The following P2RY2 variants were observed in gnomAD, a reference collection of about 807,000 sequenced individuals.
P2RY2 encodes the protein purinergic receptor P2Y2.
For synonymous variants in P2RY2, 241 were observed against 231.9 expected, an observed-to-expected ratio of 1.04 and a Z score of -0.35; for missense variants, 567 against 515.7, an observed-to-expected ratio of 1.10 and a Z score of -0.96.
chr11:73,230,944 G>A (rs1228916793), intron 2 of P2RY2, among the ~76,000 whole-genome samples: 1 of 141,530 alleles, frequency 7.1e-6, no homozygotes, highest in Non-Finnish European at 1.6e-5. Context: ...GGCGCTGGAG[G>A]AGGGAAGCCA....
chr11:73,220,707 C>T (rs1862092990), intron 1 of P2RY2, among the ~76,000 whole-genome samples: 2 of 152,206 alleles, frequency 1.3e-5, no homozygotes, highest in Non-Finnish European at 2.9e-5. Context: ...CTGCCTTGGG[C>T]TGTCTTGGAG....
chr11:73,234,320 C>T lies in P2RY2; in HGVS notation c.161C>T (p.Ala54Val). 2 of 1,613,804 alleles carry T rather than the reference C, an allele frequency of 1.2e-6. No individual in the cohort carries two copies. Among genetic ancestry groups the T allele is most frequent in the Non-Finnish European group, 8.5e-7 (1 of 1,179,782 alleles). ...CVPGLCLNAVALYIFLCRLKT... is the reference protein window; with the variant it reads ...CVPGLCLNAVVLYIFLCRLKT... ...CCTGGGCTGTGTCTGAACGCCGTGGCGCTCTACATCTTCTTGTGCCGCCTC... is the reference window on the plus strand; with the variant it reads ...CCTGGGCTGTGTCTGAACGCCGTGGTGCTCTACATCTTCTTGTGCCGCCTC... Residue 54 changes from alanine (A) to valine (V), a missense_variant, in exon 3 of 3, where the codon GCG (alanine) becomes GTG (valine). Ala to Val is a moderately conservative substitution (Grantham distance 64). Transcript: ENST00000393597.
In P2RY2 at chr11:73,237,889, T is replaced by C. The variant is rs914249152; in HGVS notation, c.*2596T>C. Among the ~76,000 whole-genome samples, 2 of 152,176 alleles carry C rather than the reference T, an allele frequency of 1.3e-5. No individual in the cohort carries two copies. The highest frequency in any genetic ancestry group is 1.3e-4 in the Admixed American group (2 of 15,276). On this transcript the variant is annotated 3_prime_UTR_variant, in exon 3 of 3. Coordinates refer to ENST00000393597, the MANE Select transcript of P2RY2 (RefSeq NM_002564.4). ...CCCAGACCATTGTCCAGCAGTGACG[T>C]GAGGGGATCTGCCTGCCCTCAAAAT...
chr11:73,223,606 G>A (rs1462328773), intron 1 of P2RY2, among the ~76,000 whole-genome samples: 2 of 152,234 alleles, frequency 1.3e-5, no homozygotes, highest in Non-Finnish European at 2.9e-5. Flanking sequence ...TCTGAGAAGG[G>A]GGGCTGACTT....
In P2RY2 at chr11:73,234,151, T is replaced by C; in HGVS notation, c.-4-5T>C. On this transcript the variant is annotated splice_region_variant and splice_polypyrimidine_tract_variant and intron_variant, in intron 2 of 2. Coordinates refer to ENST00000393597, the MANE Select transcript of P2RY2 (RefSeq NM_002564.4). The stretch of plus-strand genomic sequence containing the variant: ...CTGATGGCCCCACCCCTCCCTTCCC[T>C]GCAGGGCGATGGCAGCAGACCTGGG... 1 of 1,595,448 alleles carries C rather than the reference T, an allele frequency of 6.3e-7. No homozygotes were observed. Among genetic ancestry groups the C allele is most frequent in the South Asian group, 1.1e-5 (1 of 87,830 alleles).
chr11:73,220,670 G>A (rs1016949900), intron 1 of P2RY2, among the ~76,000 whole-genome samples: 4 of 152,200 alleles, frequency 2.6e-5, no homozygotes, highest in Admixed American at 6.5e-5. Flanking sequence ...TGGCACAAAA[G>A]GCTTGTCGCT....
rs1457358908 is a variant in P2RY2, at chr11:73,241,252, C to G, written c.*5959C>G. ...AGTCGGTGGCATTTTGTTATAGCAG[C>G]CCACGCTGACTGTGACTGAACTCAG... On this transcript the variant is annotated 3_prime_UTR_variant, in exon 3 of 3. Transcript: ENST00000393597. The G allele has an allele frequency of 6.6e-6, 1 of 152,214 alleles. No homozygotes were observed. The highest frequency in any genetic ancestry group is 1.5e-5 in the Non-Finnish European group (1 of 68,054). The allele number at this position is 152,214 out of a possible 1,614,324, so 9.4% of individuals were successfully genotyped here.
intron 1 of P2RY2, among the ~76,000 whole-genome samples, chr11:73,222,113 C>T (rs1862135134): frequency 6.6e-6 from 1 of 152,136 alleles, no homozygotes; most frequent in African/African-American, 2.4e-5. Context: ...GGTACCTTGT[C>T]ACTGTCATTG....
rs949141 is a variant in P2RY2, at chr11:73,237,881, C to A, written c.*2588C>A. Among the ~76,000 whole-genome samples the A allele has an allele frequency of 0.15, 22,815 of 152,256 alleles. 2,238 individuals are homozygous for A. Among genetic ancestry groups the A allele is most frequent in the Middle Eastern group, 0.29 (85 of 294 alleles). On this transcript the variant is annotated 3_prime_UTR_variant, in exon 3 of 3. Transcript: ENST00000393597. ...CTCCTGGCCCCAGACCATTGTCCAG[C>A]AGTGACGTGAGGGGATCTGCCTGCC... is the stretch of plus-strand genomic sequence containing the variant.
chr11:73,230,041 C>A (rs1329372585), intron 2 of P2RY2, among the ~76,000 whole-genome samples: 2 of 152,018 alleles, frequency 1.3e-5, no homozygotes, highest in Admixed American at 6.6e-5. Flanking sequence ...AGACTCGAAC[C>A]TCGGCTTACT....
rs1405554586 is a variant in P2RY2 at position 73,236,578 on chromosome 11, T to G, written c.*1285T>G. The G allele has an allele frequency of 1.0e-6, 1 of 985,246 alleles. No homozygotes were observed. Among genetic ancestry groups the G allele is most frequent in the Non-Finnish European group, 1.2e-6 (1 of 829,920 alleles). 61.0% of individuals were successfully genotyped at this position (985,246 alleles called of 1,614,324 possible). A position where few individuals can be genotyped will look rare whatever the true frequency, so the allele number is the denominator to read the frequency against. ...ATGGGGCAAGAGGGCAGGGTGTGCA[T>G]GAGCCATAAGCAGGCTGGACAGCTG... On this transcript the variant is annotated 3_prime_UTR_variant, in exon 3 of 3. Transcript: ENST00000393597.
At chr11:73,228,623 G>A (rs1294398298) in intron 2 of P2RY2, among the ~76,000 whole-genome samples, 1 of 152,200 alleles carries the variant, frequency 6.6e-6, no homozygotes, top group African/African-American at 2.4e-5. Context: ...GACCTGTCCA[G>A]AGAAAGGCAG....
chr11:73,240,490 T>G lies in P2RY2; in HGVS notation c.*5197T>G, dbSNP rs1014343977. ...GGCTCTTAACTCCTGAAGGCCATTG[T>G]GAAACATCACGTGAGACTCCTGGGA... On this transcript the variant is annotated 3_prime_UTR_variant, in exon 3 of 3. Coordinates refer to ENST00000393597, the MANE Select transcript of P2RY2 (RefSeq NM_002564.4). The G allele has an allele frequency of 6.6e-6, 1 of 152,366 alleles. No homozygotes were observed. 9.4% of individuals were successfully genotyped at this position (152,366 alleles called of 1,614,324 possible). A position where few individuals can be genotyped will look rare whatever the true frequency, so the allele number is the denominator to read the frequency against.
intron 1 of P2RY2, among the ~76,000 whole-genome samples, chr11:73,224,695 A>C (rs534227823): frequency 5.3e-5 from 8 of 152,314 alleles, no homozygotes; most frequent in African/African-American, 1.9e-4. Context: ...CTTCCCCCTG[A>C]GGATGGCCTT....
intron 2 of P2RY2, among the ~76,000 whole-genome samples, chr11:73,230,696 G>T (rs957069033): frequency 6.6e-6 from 1 of 152,156 alleles, no homozygotes; most frequent in Admixed American, 6.6e-5. Flanking sequence ...CCAGGTAGAA[G>T]AAGCAGCAGC....
chr11:73,218,989 T>C (rs1191061339), intron 1 of P2RY2, among the ~76,000 whole-genome samples: 2 of 152,166 alleles, frequency 1.3e-5, no homozygotes, highest in East Asian at 3.9e-4. Flanking sequence ...GTCCCCGGGC[T>C]TTTAATCTGG....
chr11:73,223,657 T>C (rs544225107), intron 1 of P2RY2, among the ~76,000 whole-genome samples: 11 of 152,336 alleles, frequency 7.2e-5, no homozygotes, highest in African/African-American at 2.4e-4. Flanking sequence ...AGTTAGAGCC[T>C]GAACTCACGG....
At chr11:73,224,070 G>T (rs1007116342) in intron 1 of P2RY2, among the ~76,000 whole-genome samples, 1 of 152,180 alleles carries the variant, frequency 6.6e-6, no homozygotes, top group Non-Finnish European at 1.5e-5. Context: ...AGGGCCTCCT[G>T]AAGGGGGTGC....
chr11:73,226,807 CA>C (rs960066538), intron 1 of P2RY2, among the ~76,000 whole-genome samples: 6 of 152,094 alleles, frequency 3.9e-5, no homozygotes, highest in African/African-American at 7.2e-5. Flanking sequence ...CAAGGTGAGA[CA>C]AAAACCACGG....
Sources: allele counts gnomAD v4.1 joint callset (sites outside exome capture counted in the v4.1 genomes callset), GRCh38; gene constraint gnomAD v4.1.1; transcripts MANE v1.5; gene names NCBI Gene and HGNC (gene_info 2026-07-23, HGNC 2026-07-21).